Variants in CHCHD3 observed in about 807,000 individuals in gnomAD.
CHCHD3 encodes the protein MICOS complex subunit MIC19.
Under a neutral mutation model 38.2 loss-of-function variants are expected in CHCHD3, and 20 were observed. The ratio of observed to expected loss-of-function variants is 0.52; its 90% CI spans 0.37 to 0.76. The LOEUF is 0.76. CHCHD3 is among the 30% of genes least tolerant of loss of function. The probability of loss-of-function intolerance (pLI) is 0.00; values close to 1 mark genes in which losing one functional copy is unlikely to be tolerated. For synonymous variants in CHCHD3, 82 were observed against 100.0 expected (o/e 0.82, Z 1.07); for missense variants, 245 against 279.2 (o/e 0.88, Z 0.87).
chr7:132,964,348 C>T (rs962085926), intron 4 of CHCHD3, among the ~76,000 whole-genome samples: 1 of 152,068 alleles, frequency 6.6e-6, no homozygotes, highest in Non-Finnish European at 1.5e-5. Flanking sequence ...TTTGGGAGGC[C>T]GAGGCGGGCA....
intron 4 of CHCHD3, among the ~76,000 whole-genome samples, chr7:132,940,571 A>C (rs1319438656): frequency 6.6e-6 from 1 of 152,188 alleles, no homozygotes; most frequent in Non-Finnish European, 1.5e-5. Flanking sequence ...CGTCCTTAGG[A>C]ATATTCACCA....
Position 133,050,445 on chromosome 7 carries a change from G to A in CHCHD3, c.169+19697C>T, listed in dbSNP as rs146074703. Among the ~76,000 whole-genome samples, 130 of 147,738 alleles carry A rather than the reference G, an allele frequency of 8.8e-4. No individual in the cohort carries two copies. The East Asian group carries it at 0.022, about 25-fold the overall frequency. On this transcript the variant is annotated intron_variant, in intron 2 of 7. Coordinates refer to ENST00000262570, the MANE Select transcript of CHCHD3 (RefSeq NM_017812.4). ...CAGTAGAGCACACTTTTTAACAACTGCTACATTACTACCACTCTTAATGGC... is the reference window on the plus strand; with the variant it reads ...CAGTAGAGCACACTTTTTAACAACTACTACATTACTACCACTCTTAATGGC...
At chr7:132,819,938 T>A (rs1029737399) in intron 6 of CHCHD3, among the ~76,000 whole-genome samples, 1 of 152,184 alleles carries the variant, frequency 6.6e-6, no homozygotes, top group African/African-American at 2.4e-5. Flanking sequence ...TGGCAAAAGA[T>A]CAGCCCAGGA....
chr7:132,948,425 T>G (rs10231104), intron 4 of CHCHD3, among the ~76,000 whole-genome samples: 1 of 152,082 alleles, frequency 6.6e-6, no homozygotes. Flanking sequence ...GAGGGTAGGA[T>G]CGAAACTTCG....
chr7:132,968,802 C>T (rs1811540221), intron 4 of CHCHD3, among the ~76,000 whole-genome samples: 1 of 152,208 alleles, frequency 6.6e-6, no homozygotes, highest in African/African-American at 2.4e-5. Context: ...CCATGTCGAT[C>T]ATTTCAAAAT....
chr7:132,967,387 A>G (rs1811492758), intron 4 of CHCHD3, among the ~76,000 whole-genome samples: 1 of 152,108 alleles, frequency 6.6e-6, no homozygotes, highest in Admixed American at 6.5e-5. Context: ...GAGTCTTGGC[A>G]GTGAGTTCTC....
chr7:132,991,367 C>T (rs1028504853), intron 3 of CHCHD3, among the ~76,000 whole-genome samples: 3 of 152,248 alleles, frequency 2.0e-5, no homozygotes, highest in African/African-American at 7.2e-5. Context: ...TTTGTTTTAA[C>T]TGCATTTCAT....
intron 4 of CHCHD3, among the ~76,000 whole-genome samples, chr7:132,936,773 GT>G (rs1336220304): frequency 6.6e-6 from 1 of 152,192 alleles, no homozygotes; most frequent in African/African-American, 2.4e-5. Context: ...ACGTGCTAAA[GT>G]TATTCTTGAC....
chr7:133,082,082 G>C lies in CHCHD3; in HGVS notation c.-145C>G. ...CGACCCCCAGAAGCAAGGAGAAGGC[G>C]CCGGTCCTGAGCTCCCGCCTCCTCC... On this transcript the variant is annotated 5_prime_UTR_variant, in exon 1 of 8. Coordinates refer to ENST00000262570, the MANE Select transcript of CHCHD3 (RefSeq NM_017812.4). 1 of 712,452 alleles carries C rather than the reference G, an allele frequency of 1.4e-6. No homozygotes were observed. Among genetic ancestry groups the C allele is most frequent in the Non-Finnish European group, 2.2e-6 (1 of 447,000 alleles). 44.1% of individuals were successfully genotyped at this position (712,452 alleles called of 1,614,324 possible). A position where few individuals can be genotyped will look rare whatever the true frequency, so the allele number is the denominator to read the frequency against.
intron 6 of CHCHD3, among the ~76,000 whole-genome samples, chr7:132,827,773 G>A (rs1052230627): frequency 7.2e-5 from 11 of 152,120 alleles, no homozygotes; most frequent in African/African-American, 2.7e-4. Context: ...GAACCACATA[G>A]GAAGTACTGT....
chr7:133,058,020 C>T (rs1340927337), intron 2 of CHCHD3, among the ~76,000 whole-genome samples: 1 of 151,946 alleles, frequency 6.6e-6, no homozygotes, highest in Admixed American at 6.6e-5. Flanking sequence ...GGGCTCAATC[C>T]CATCAGATTC....
intron 5 of CHCHD3, among the ~76,000 whole-genome samples, 154 bp downstream of exon 5, chr7:132,885,508 C>G (rs1809181633): frequency 6.6e-6 from 1 of 152,130 alleles, no homozygotes; most frequent in East Asian, 1.9e-4. Context: ...GACATTGTTA[C>G]AGAGGACGAA....
At position 133,012,356 on chromosome 7, in the gene CHCHD3, A is replaced by G. The variant is rs187469536; in HGVS notation, c.251+12190T>C. 3.2e-3 allele frequency among the ~76,000 whole-genome samples: 482 copies of G among 152,334 alleles called. 3 individuals carry two copies. In the South Asian group the frequency reaches 0.037, roughly 12 times the overall value. ...TTTTATTTCAAAACATAGTCATGTG[A>G]GTTAAAAAACAAAACACAAAAAGTC... On this transcript the variant is annotated intron_variant, in intron 3 of 7. Coordinates refer to ENST00000262570, the MANE Select transcript of CHCHD3 (RefSeq NM_017812.4).
At chr7:133,029,067 A>G (rs978525306) in intron 2 of CHCHD3, among the ~76,000 whole-genome samples, 2 of 152,134 alleles carry the variant, frequency 1.3e-5, no homozygotes, top group African/African-American at 2.4e-5. Context: ...ACATTAAGTA[A>G]CAAATTTCTT....
intron 6 of CHCHD3, among the ~76,000 whole-genome samples, chr7:132,805,362 G>A (rs1395227973): frequency 1.8e-4 from 27 of 152,056 alleles, no homozygotes. Context: ...GAAGAGAGGA[G>A]ATGGGACTTT....
chr7:132,958,721 C>T (rs1179760838), intron 4 of CHCHD3, among the ~76,000 whole-genome samples: 1 of 152,176 alleles, frequency 6.6e-6, no homozygotes, highest in Non-Finnish European at 1.5e-5. Context: ...CAAGCTTTAT[C>T]CCAAGACCAC....
chr7:132,862,201 C>CAG (rs201703613), intron 5 of CHCHD3, among the ~76,000 whole-genome samples: 6 of 150,284 alleles, frequency 4.0e-5, no homozygotes, highest in Non-Finnish European at 5.9e-5. Flanking sequence ...GGGAGAGGAA[C>CAG]AGAGAGAGAG....
intron 2 of CHCHD3, among the ~76,000 whole-genome samples, chr7:133,061,670 G>A (rs960312182): frequency 1.3e-5 from 2 of 152,146 alleles, no homozygotes; most frequent in Non-Finnish European, 2.9e-5. Flanking sequence ...TTATAGTAAT[G>A]TGAGTTATCA....
intron 5 of CHCHD3, among the ~76,000 whole-genome samples, chr7:132,855,387 C>T (rs1808321339): frequency 6.6e-6 from 1 of 152,156 alleles, no homozygotes; most frequent in Admixed American, 6.5e-5. Flanking sequence ...TTAATGATAA[C>T]TGTGACATGG....
Sources: gnomAD v4.1 joint callset for allele counts (sites outside exome capture counted in the v4.1 genomes callset) on GRCh38, gnomAD v4.1.1 for gene constraint, MANE v1.5 for transcripts, NCBI Gene and HGNC (gene_info 2026-07-23, HGNC 2026-07-21) for gene names.